Variants in ATP8A2 observed in about 807,000 individuals in gnomAD.
ATP8A2 encodes ATPase phospholipid transporting 8A2.
A neutral mutation model predicts 165.6 loss-of-function variants in ATP8A2; 100 were observed. The ratio of observed to expected loss-of-function variants is 0.60; its 90% CI spans 0.51 to 0.71. The LOEUF (loss-of-function observed/expected upper bound fraction) is 0.71. ATP8A2 is among the 30% of genes least tolerant of loss of function. The probability of loss-of-function intolerance (pLI) is 0.00; values close to 1 mark genes in which losing one functional copy is unlikely to be tolerated. For synonymous variants in ATP8A2, 543 were observed against 548.8 expected (o/e 0.99, Z 0.15); for missense variants, 1,227 against 1,479.5 (o/e 0.83, Z 2.80).
chr13:25,469,318 T>C (rs1307893586), intron 2 of ATP8A2, among the ~76,000 whole-genome samples, 197 bp downstream of exon 2: 1 of 144,512 alleles, frequency 6.9e-6, no homozygotes, highest in Non-Finnish European at 1.5e-5. Flanking sequence ...AATGCAGCCC[T>C]CACCGTTCTC....
chr13:25,469,051 C>A lies in ATP8A2; in HGVS notation c.151C>A (p.Leu51Met). 1.2e-6 allele frequency: 2 copies of A among 1,614,092 alleles called. No individual in the cohort carries two copies. The highest frequency in any genetic ancestry group is 1.7e-6 in the Non-Finnish European group (2 of 1,179,918). ...MSRATSVGDQ[L>M]EAPARTIYLN... The stretch of plus-strand genomic sequence containing the variant: ...CCGGGCCACGTCTGTTGGAGACCAG[C>A]TGGAGGCACCCGCCCGCACCATTTA... The change falls in exon 2 of 37, where the codon CTG becomes ATG. Residue 51 changes from leucine (L) to methionine (M), a missense_variant. Leu to Met is a conservative substitution (Grantham distance 15). This residue lies in a region of ATP8A2 where 356 missense variants were observed against 394.9 expected (regional missense o/e 0.90). Coordinates refer to ENST00000381655, the MANE Select transcript of ATP8A2 (RefSeq NM_016529.6).
intron 1 of ATP8A2, among the ~76,000 whole-genome samples, chr13:25,460,831 C>G (rs1748582): frequency 0.4 from 61,225 of 152,012 alleles, 12,650 homozygotes; most frequent in East Asian, 0.6. Context: ...TCTTATAAGC[C>G]TATTTCAAAT....
At chr13:25,664,806 A>G (rs2042117461) in intron 24 of ATP8A2, among the ~76,000 whole-genome samples, 1 of 152,128 alleles carries the variant, frequency 6.6e-6, no homozygotes, top group African/African-American at 2.4e-5. Context: ...TCTTCTGTGA[A>G]TCTAGTGACC....
chr13:25,490,688 A>G (rs2036498863), intron 2 of ATP8A2, among the ~76,000 whole-genome samples: 2 of 151,788 alleles, frequency 1.3e-5, no homozygotes. Context: ...TTTGGACTAA[A>G]TTCTAAATAA....
chr13:25,587,595 G>GTAAA (rs2039959973), intron 23 of ATP8A2, among the ~76,000 whole-genome samples: 1 of 152,164 alleles, frequency 6.6e-6, no homozygotes, highest in Non-Finnish European at 1.5e-5. Flanking sequence ...AAAACTACCA[G>GTAAA]TAAATCCTTT....
chr13:25,955,825 C>CA (rs1955505133), intron 33 of ATP8A2, among the ~76,000 whole-genome samples: 1 of 151,962 alleles, frequency 6.6e-6, no homozygotes, highest in Non-Finnish European at 1.5e-5. Flanking sequence ...CACAACAAAA[C>CA]AAAAAATTTC....
chr13:25,635,550 G>T (rs1308989135), intron 24 of ATP8A2, among the ~76,000 whole-genome samples: 1 of 152,158 alleles, frequency 6.6e-6, no homozygotes, highest in Non-Finnish European at 1.5e-5. Context: ...TTTATTGCAG[G>T]ATTTTCCAAA....
intron 24 of ATP8A2, among the ~76,000 whole-genome samples, chr13:25,659,623 G>A (rs538570786): frequency 1.3e-5 from 2 of 152,308 alleles, no homozygotes; most frequent in South Asian, 2.1e-4. Flanking sequence ...TCCCAAAAGC[G>A]AGAGAAAAGC....
At chr13:25,686,090 A>G (rs970038063) in intron 24 of ATP8A2, among the ~76,000 whole-genome samples, 1 of 152,222 alleles carries the variant, frequency 6.6e-6, no homozygotes, top group Non-Finnish European at 1.5e-5. Context: ...TGAAAGAGAC[A>G]GAAGTGATCA....
At chr13:26,000,356 T>G (rs147491454) in intron 35 of ATP8A2, among the ~76,000 whole-genome samples, 228 of 152,356 alleles carry the variant, frequency 1.5e-3, no homozygotes, top group African/African-American at 5.3e-3. Context: ...TTATTTGCTG[T>G]GTACTCCACA....
intron 27 of ATP8A2, among the ~76,000 whole-genome samples, chr13:25,776,148 T>TG (rs2044737161): frequency 6.6e-6 from 1 of 152,204 alleles, no homozygotes; most frequent in African/African-American, 2.4e-5. Context: ...GAAACAGCAA[T>TG]GCATTTTTCT....
intron 27 of ATP8A2, among the ~76,000 whole-genome samples, chr13:25,775,191 C>T (rs188786056): frequency 8.5e-5 from 13 of 152,266 alleles, no homozygotes; most frequent in Admixed American, 3.3e-4. Context: ...CTTACCTACC[C>T]GGACATGCCT....
chr13:25,668,169 A>T (rs930823680), intron 24 of ATP8A2, among the ~76,000 whole-genome samples: 1 of 152,124 alleles, frequency 6.6e-6, no homozygotes, highest in Non-Finnish European at 1.5e-5. Flanking sequence ...TTCCTATGAA[A>T]TGTCCTTTCC....
chr13:25,876,573 G>A (rs577458950), intron 33 of ATP8A2, among the ~76,000 whole-genome samples: 2 of 152,152 alleles, frequency 1.3e-5, no homozygotes, highest in South Asian at 4.1e-4. Context: ...TACTACGTAT[G>A]GCATCAAAAC....
intron 3 of ATP8A2, 112 bp from the exon 4 acceptor site, chr13:25,530,450 G>C (rs1475143210): frequency 1.0e-5 from 7 of 680,014 alleles, no homozygotes; most frequent in Non-Finnish European, 1.8e-5. Context: ...TTGAGTAACA[G>C]AAATGGAACA....
At chr13:25,483,281 G>C (rs1195434608) in intron 2 of ATP8A2, among the ~76,000 whole-genome samples, 2 of 152,182 alleles carry the variant, frequency 1.3e-5, no homozygotes, top group Non-Finnish European at 2.9e-5. Flanking sequence ...TGTTGATGCT[G>C]TTTCTTGTGT....
At chr13:25,569,364 A>G (rs2039402709) in intron 16 of ATP8A2, among the ~76,000 whole-genome samples, 1 of 152,194 alleles carries the variant, frequency 6.6e-6, no homozygotes, top group Non-Finnish European at 1.5e-5. Context: ...CAAGACAGAG[A>G]AGAAACTAAA....
chr13:25,844,524 T>A (rs1384085381), intron 30 of ATP8A2, among the ~76,000 whole-genome samples: 1 of 152,128 alleles, frequency 6.6e-6, no homozygotes, highest in Non-Finnish European at 1.5e-5. Flanking sequence ...CCAATGCACC[T>A]GGCCTTATTA....
intron 28 of ATP8A2, among the ~76,000 whole-genome samples, chr13:25,828,518 C>A (rs1951376766): frequency 6.6e-6 from 1 of 152,228 alleles, no homozygotes; most frequent in Admixed American, 6.5e-5. Flanking sequence ...AATTTCTGAA[C>A]TACACCTAAA....
Sources: gnomAD v4.1 joint callset for allele counts (sites outside exome capture counted in the v4.1 genomes callset) on GRCh38, gnomAD v4.1.1 for gene constraint, gnomAD v4.1.1 regional missense constraint, MANE v1.5 for transcripts, NCBI Gene and HGNC (gene_info 2026-07-23, HGNC 2026-07-21) for gene names.